CSMD2: variants seen among roughly 807,000 people sequenced by gnomAD.
CSMD2 encodes the protein CUB and Sushi multiple domains 2, also known as CUB and sushi domain-containing protein 2.
In CSMD2, 130 loss-of-function variants were observed where a neutral mutation model predicts 398.5. That is an observed-to-expected ratio of 0.33 (90% CI 0.28 to 0.38). The LOEUF is 0.38. Among genes scored for constraint, CSMD2 ranks in the 10% least tolerant of loss-of-function variants. The pLI, the probability that CSMD2 is intolerant of heterozygous loss-of-function variation, is 1.00. For missense variants in CSMD2, 3,829 were observed against 4,764.9 expected (o/e 0.80, Z 5.78); for synonymous variants, 1,828 against 1,908.5 (o/e 0.96, Z 1.10).
At chr1:33,950,876 T>G (rs1313935597) in intron 3 of CSMD2, among the ~76,000 whole-genome samples, 1 of 152,230 alleles carries the variant, frequency 6.6e-6, no homozygotes, top group Non-Finnish European at 1.5e-5. Context: ...GATGCGTCTG[T>G]CTTCATGTCT....
intron 58 of CSMD2, among the ~76,000 whole-genome samples, chr1:33,541,566 A>T (rs533433034): frequency 1.1e-4 from 16 of 152,310 alleles, no homozygotes; most frequent in African/African-American, 3.6e-4. Flanking sequence ...TCCTGGGCTC[A>T]TGCAATCCTC....
At chr1:33,926,311 T>G (rs1440488986) in intron 4 of CSMD2, among the ~76,000 whole-genome samples, 7 of 152,210 alleles carry the variant, frequency 4.6e-5, no homozygotes, top group Non-Finnish European at 5.9e-5. Flanking sequence ...GTGTCTCTGG[T>G]ACCAGGATGG....
intron 25 of CSMD2, among the ~76,000 whole-genome samples, chr1:33,689,788 T>C (rs922144139): frequency 5.3e-5 from 8 of 152,120 alleles, no homozygotes. Context: ...CAGTGTACTT[T>C]CCAGCAGCTC....
intron 13 of CSMD2, among the ~76,000 whole-genome samples, chr1:33,750,568 C>T (rs1297431053): frequency 6.6e-6 from 1 of 152,112 alleles, no homozygotes; most frequent in African/African-American, 2.4e-5. Flanking sequence ...AAGGGCTTGA[C>T]AACCCAGATA....
At chr1:33,888,162 T>TCAC (rs142423821) in intron 5 of CSMD2, among the ~76,000 whole-genome samples, 1,779 of 152,248 alleles carry the variant, frequency 0.012, 29 homozygotes, top group African/African-American at 0.04. Context: ...ATAGGAATAT[T>TCAC]TACTGTAAAA....
chr1:33,874,235 T>C (rs556385669), intron 5 of CSMD2, among the ~76,000 whole-genome samples: 23 of 152,352 alleles, frequency 1.5e-4, no homozygotes, highest in African/African-American at 5.3e-4. Flanking sequence ...GCCTACATCA[T>C]ACCTGGTAAG....
intron 43 of CSMD2, 32 bp from the exon 44 acceptor site, chr1:33,601,042 A>G (rs371487123): frequency 2.5e-6 from 4 of 1,612,970 alleles, no homozygotes; most frequent in Non-Finnish European, 3.4e-6. Context: ...CTGGCATGTC[A>G]CTAGTCACCA....
chr1:33,712,984 A>G (rs631433), intron 21 of CSMD2, among the ~76,000 whole-genome samples: 88,502 of 152,174 alleles, frequency 0.58, 27,290 homozygotes, highest in African/African-American at 0.79. Context: ...GCAAAATAAC[A>G]ATAATTGGTT....
intron 13 of CSMD2, among the ~76,000 whole-genome samples, chr1:33,745,917 G>T (rs1647315286): frequency 6.6e-6 from 1 of 152,092 alleles, no homozygotes; most frequent in African/African-American, 2.4e-5. Context: ...TACGAGGTAG[G>T]TATTGTTATT....
At chr1:33,612,234 T>A (rs1641056047) in intron 40 of CSMD2, among the ~76,000 whole-genome samples, 2 of 152,228 alleles carry the variant, frequency 1.3e-5, no homozygotes, top group African/African-American at 4.8e-5. Flanking sequence ...TTTTCATTTT[T>A]AAAATTGGCT....
chr1:33,632,050 T>C (rs542894761), intron 32 of CSMD2, among the ~76,000 whole-genome samples: 1 of 152,018 alleles, frequency 6.6e-6, no homozygotes, highest in Admixed American at 6.5e-5. Flanking sequence ...TCATAAAAAT[T>C]TAGTATATGT....
At chr1:33,540,169 G>C (rs1656193771) in intron 60 of CSMD2, among the ~76,000 whole-genome samples, 1 of 151,962 alleles carries the variant, frequency 6.6e-6, no homozygotes, top group Non-Finnish European at 1.5e-5. Flanking sequence ...AGTCTTTTCT[G>C]TGCAGGTCAT....
chr1:34,062,198 C>T (rs1289688059), intron 2 of CSMD2, among the ~76,000 whole-genome samples: 1 of 152,232 alleles, frequency 6.6e-6, no homozygotes, highest in African/African-American at 2.4e-5. Context: ...GACCCAGGTG[C>T]TGGCAATAGC....
At chr1:33,848,819 T>TG (rs1638485754) in intron 5 of CSMD2, among the ~76,000 whole-genome samples, 1 of 151,568 alleles carries the variant, frequency 6.6e-6, no homozygotes, top group South Asian at 2.1e-4. Context: ...GGTTTTTTTT[T>TG]TTTTTTCTCC....
intron 13 of CSMD2, 199 bp downstream of exon 13, chr1:33,772,370 T>G: frequency 3.8e-6 from 2 of 532,402 alleles, no homozygotes; most frequent in Non-Finnish European, 6.7e-6. Context: ...GGAGCACTTG[T>G]TCTCAGTGCT....
intron 10 of CSMD2, among the ~76,000 whole-genome samples, chr1:33,802,224 C>T (rs1461214327): frequency 1.3e-5 from 2 of 152,176 alleles, no homozygotes; most frequent in Non-Finnish European, 2.9e-5. Context: ...GTGGAGTAGG[C>T]CTGCATCACT....
chr1:33,914,930 G>A (rs2125274752), intron 5 of CSMD2, among the ~76,000 whole-genome samples: 1 of 152,292 alleles, frequency 6.6e-6, no homozygotes, highest in Admixed American at 6.5e-5. Flanking sequence ...AATAAAAAAT[G>A]ACCAATCCTA....
At chr1:34,003,457 T>G (rs967514312) in intron 3 of CSMD2, among the ~76,000 whole-genome samples, 1 of 152,296 alleles carries the variant, frequency 6.6e-6, no homozygotes, top group Admixed American at 6.5e-5. Context: ...GCATCCATCA[T>G]GCCCAGACTG....
At chr1:33,672,170 G>A (rs1006664716) in intron 25 of CSMD2, among the ~76,000 whole-genome samples, 3 of 152,198 alleles carry the variant, frequency 2.0e-5, no homozygotes, top group African/African-American at 7.2e-5. Flanking sequence ...GCAGGGCGAG[G>A]CATCGCCTCA....
Sources: gnomAD v4.1 joint callset for allele counts (sites outside exome capture counted in the v4.1 genomes callset) on GRCh38, gnomAD v4.1.1 for gene constraint, MANE v1.5 for transcripts, NCBI Gene and HGNC (gene_info 2026-07-23, HGNC 2026-07-21) for gene names.